Variants in DOP1B observed in about 807,000 individuals in gnomAD.
The protein encoded by DOP1B is DOP1 leucine zipper like protein B.
DOP1B carries 174 observed loss-of-function variants against 233.5 expected under a neutral mutation model. The ratio of observed to expected loss-of-function variants is 0.75; its 90% CI spans 0.66 to 0.85. The LOEUF is 0.85. DOP1B is among the 40% of genes least tolerant of loss of function. The pLI, the probability that DOP1B is intolerant of heterozygous loss-of-function variation, is 0.00. For synonymous variants in DOP1B, 1,190 were observed against 1,185.6 expected (o/e 1.00, Z -0.08); for missense variants, 2,652 against 2,846.6 (o/e 0.93, Z 1.56).
rs527766164 is a variant in DOP1B, at chr21:36,220,170, T to C, written c.1250+678T>C. 2.7e-4 allele frequency among the ~76,000 whole-genome samples: 41 copies of C among 152,314 alleles called. No homozygotes were observed. In the Middle Eastern group the frequency reaches 0.01, roughly 38 times the overall value. On this transcript the variant is annotated intron_variant, in intron 10 of 36. Coordinates refer to ENST00000691173, the MANE Select transcript of DOP1B (RefSeq NM_001320714.2). ...TCTGCCTGAACTAGCATTGGGTACA[T>C]TGAAAATTTAAATCAATGTTAATAT...
intron 2 of DOP1B, among the ~76,000 whole-genome samples, chr21:36,170,830 T>TCC (rs2065965988): frequency 6.6e-6 from 1 of 151,700 alleles, no homozygotes; most frequent in Non-Finnish European, 1.5e-5. Flanking sequence ...ATAACTTTGT[T>TCC]AGAGTTGTTA....
intron 2 of DOP1B, among the ~76,000 whole-genome samples, chr21:36,175,116 C>CTT (rs34930032): frequency 4.8e-4 from 70 of 145,750 alleles, no homozygotes; most frequent in Non-Finnish European, 6.6e-4. Context: ...TCTTCTTCTT[C>CTT]TTTTTTTTTT....
chr21:36,241,503 CTTTTTTTTT>C (rs1165636640), intron 18 of DOP1B, among the ~76,000 whole-genome samples: 2 of 76,490 alleles, frequency 2.6e-5, no homozygotes, highest in African/African-American at 5.6e-5. Context: ...TTATCTTAAT[CTTTTTTTTT>C]TTTTTTTTTT....
chr21:36,269,298 G>A (rs575740720), intron 26 of DOP1B, among the ~76,000 whole-genome samples: 29 of 152,080 alleles, frequency 1.9e-4, no homozygotes, highest in African/African-American at 6.3e-4. Flanking sequence ...TGGGATTACA[G>A]GCATGCACCA....
intron 16 of DOP1B, among the ~76,000 whole-genome samples, chr21:36,238,263 G>T (rs774675627): frequency 6.6e-5 from 10 of 152,138 alleles, no homozygotes; most frequent in South Asian, 2.1e-4. Flanking sequence ...CCAGTCTGTT[G>T]TGTCTCCTCG....
In DOP1B at chr21:36,204,658, A is replaced by ATTTTTTTTTTTTT. The variant is rs56725433; in HGVS notation, c.492-4053_492-4041dup. Among the ~76,000 whole-genome samples, 69 of 115,158 alleles carry ATTTTTTTTTTTTT rather than the reference A, an allele frequency of 6.0e-4. 12 individuals carry two copies. The highest frequency in any genetic ancestry group is 7.9e-4 in the Non-Finnish European group (46 of 58,202). 75.5% of individuals were successfully genotyped at this position (115,158 alleles called of 152,430 possible). A position where few individuals can be genotyped will look rare whatever the true frequency, so the allele number is the denominator to read the frequency against. On this transcript the variant is annotated intron_variant, in intron 4 of 36. Coordinates refer to ENST00000691173, the MANE Select transcript of DOP1B (RefSeq NM_001320714.2). ...GCCACCCCTTTTGGCTGACATTTCT[A>ATTTTTTTTTTTTT]TTTTTTTTTTTTTTTTGAGACAGTC...
At position 36,219,426 on chromosome 21, in the gene DOP1B, A is replaced by G. The variant is rs751195206; in HGVS notation, c.1184A>G (p.Tyr395Cys). 3.1e-6 allele frequency: 5 copies of G among 1,614,010 alleles called. No homozygotes were observed. In the South Asian group the frequency reaches 4.4e-5, roughly 14 times the overall value. ...FLEVIRAFYS[Y>C]CRDALGSDLK... ...GAAGTCATCAGGGCCTTTTATTCTT[A>G]CTGCAGAGATGCCCTTGGCTCTGAT... Residue 395 changes from tyrosine to cysteine, a missense_variant, in exon 10 of 37, where the codon TAC (tyrosine) becomes TGC (cysteine). By Grantham distance (194) the Tyr-to-Cys change is radical (BLOSUM62 -2). Around this residue, in one of 3 missense-constraint regions of DOP1B, gnomAD observed 2,617 missense variants for 2,794.3 expected, o/e 0.94. Coordinates refer to ENST00000691173, the MANE Select transcript of DOP1B (RefSeq NM_001320714.2).
At chr21:36,208,111 A>G (rs2066449457) in intron 4 of DOP1B, among the ~76,000 whole-genome samples, 1 of 152,244 alleles carries the variant, frequency 6.6e-6, no homozygotes, top group Admixed American at 6.5e-5. Context: ...GGGAGTCAGC[A>G]CATGCAGGTG....
At chr21:36,243,275 C>T (rs937513794) in intron 18 of DOP1B, among the ~76,000 whole-genome samples, 2 of 151,840 alleles carry the variant, frequency 1.3e-5, no homozygotes, top group South Asian at 2.1e-4. Flanking sequence ...CTACCATGCC[C>T]GGCTCATGGC....
chr21:36,208,674 G>T (rs780830783), intron 4 of DOP1B, 41 bp from the exon 5 acceptor site: 10 of 1,591,398 alleles, frequency 6.3e-6, no homozygotes, highest in Non-Finnish European at 7.7e-6. Flanking sequence ...GACTCGGGAA[G>T]ATGGGGCGAG....
chr21:36,287,028 G>C (rs376627915), intron 32 of DOP1B, among the ~76,000 whole-genome samples: 34 of 152,092 alleles, frequency 2.2e-4, no homozygotes, highest in African/African-American at 7.7e-4. Context: ...ATCTTAGCTA[G>C]CATGACTACC....
rs1158953948 is a variant in DOP1B at position 36,293,346 on chromosome 21, C to T, written c.6672C>T (p.Thr2224=). 6.2e-7 allele frequency: 1 copy of T among 1,614,030 alleles called. No individual in the cohort carries two copies. The highest frequency in any genetic ancestry group is 8.5e-7 in the Non-Finnish European group (1 of 1,180,054). ...FGEISSSDEI[T]MKSEFPLLRQ... The stretch of plus-strand genomic sequence containing the variant: ...AAATCAGTAGCTCTGATGAGATCAC[C>T]ATGAAGAGTGAATTCCCGCTTCTGC... The change falls in exon 37 of 37, where the codon ACC becomes ACT. Residue 2224 remains threonine, a synonymous_variant. Transcript: ENST00000691173.
Position 36,164,760 on chromosome 21 carries a change from A to C in DOP1B, c.27A>C (p.Leu9Phe). Residue 9 changes from leucine to phenylalanine, a missense_variant, in exon 2 of 37, where the codon TTA becomes TTC. Physicochemically the swap from Leu to Phe is conservative, Grantham distance 22 (BLOSUM62 0). Coordinates refer to ENST00000691173, the MANE Select transcript of DOP1B (RefSeq NM_001320714.2). MDPEEQELLNDYRYRSYSS... is the reference protein window; with the variant it reads MDPEEQELFNDYRYRSYSS... ...TGGATCCAGAAGAGCAGGAGCTCTT[A>C]AATGATTACAGATACAGAAGCTACT... The C allele has an allele frequency of 6.2e-7, 1 of 1,607,324 alleles. No individual in the cohort carries two copies. Among genetic ancestry groups the C allele is most frequent in the Non-Finnish European group, 8.5e-7 (1 of 1,177,944 alleles).
chr21:36,238,585 G>A lies in DOP1B; in HGVS notation c.2776-16G>A. On this transcript the variant is annotated splice_polypyrimidine_tract_variant and intron_variant, in intron 16 of 36. Transcript: ENST00000691173. Reference sequence around the variant, plus strand: ...ACAAAACCAAGTTCCTCACTCCCATGTATCTCCTCATCAAGGGAACAAGGC... The same window carrying A: ...ACAAAACCAAGTTCCTCACTCCCATATATCTCCTCATCAAGGGAACAAGGC... 19 of 1,613,458 alleles carry A rather than the reference G, an allele frequency of 1.2e-5. No individual in the cohort carries two copies. Among genetic ancestry groups the A allele is most frequent in the Non-Finnish European group, 1.6e-5 (19 of 1,179,384 alleles).
chr21:36,210,185 T>G lies in DOP1B; in HGVS notation c.681+1281T>G, dbSNP rs115758532. 5.1e-3 allele frequency among the ~76,000 whole-genome samples: 773 copies of G among 152,192 alleles called. 6 individuals carry two copies. The highest frequency in any genetic ancestry group is 0.017 in the African/African-American group (723 of 41,526). On this transcript the variant is annotated intron_variant, in intron 5 of 36. Transcript: ENST00000691173. ...TTGGGATGGGGAGAAAGCCTAGCTT[T>G]GCTCATATGTATCCTGTGCTTTAAA...
At chr21:36,213,705 A>AT (rs1422344751) in intron 7 of DOP1B, among the ~76,000 whole-genome samples, 1 of 150,102 alleles carries the variant, frequency 6.7e-6, no homozygotes, top group Non-Finnish European at 1.5e-5. Context: ...CGCCCGGCTA[A>AT]TTTTTTGTAT....
intron 2 of DOP1B, among the ~76,000 whole-genome samples, chr21:36,197,868 G>A (rs1403422098): frequency 6.6e-6 from 1 of 152,062 alleles, no homozygotes; most frequent in Non-Finnish European, 1.5e-5. Context: ...AAAATTAGCT[G>A]GATGTGGTGG....
chr21:36,209,387 G>C (rs2066466537), intron 5 of DOP1B, among the ~76,000 whole-genome samples: 1 of 152,242 alleles, frequency 6.6e-6, no homozygotes, highest in African/African-American at 2.4e-5. Flanking sequence ...GCCTCCCAAA[G>C]TGGCATTAAG....
Position 36,208,742 on chromosome 21 carries a change from G to A in DOP1B, c.519G>A (p.Ser173=), listed in dbSNP as rs143348611. 21 of 1,613,442 alleles carry A rather than the reference G, an allele frequency of 1.3e-5. No individual in the cohort carries two copies. The highest frequency in any genetic ancestry group is 2.2e-5 in the South Asian group (2 of 91,028). ...CGGATGCTCTGCTCCTGAGACTGTCGCTGGTGGTTGGCAAAGAGGTGTTTT... is the reference window on the plus strand; with the variant it reads ...CGGATGCTCTGCTCCTGAGACTGTCACTGGTGGTTGGCAAAGAGGTGTTTT... ...DRTDALLLRL[S]LVVGKEVFYT... Residue 173 remains serine (S), a synonymous_variant, in exon 5 of 37, where the codon TCG becomes TCA. Transcript: ENST00000691173.
Sources: allele counts gnomAD v4.1 joint callset (sites outside exome capture counted in the v4.1 genomes callset), GRCh38; gene constraint gnomAD v4.1.1; regional missense constraint gnomAD v4.1.1; transcripts MANE v1.5; gene names NCBI Gene and HGNC (gene_info 2026-07-23, HGNC 2026-07-21).